AFF3: variants seen among roughly 807,000 people sequenced by gnomAD.
The protein encoded by AFF3 is AF4/FMR2 family member 3.
AFF3 carries 32 observed loss-of-function variants against 129.7 expected under a neutral mutation model. The observed-to-expected ratio is 0.25, with a 90% CI of 0.19 to 0.33. The LOEUF is 0.33. AFF3 is among the 10% of genes least tolerant of loss of function. AFF3 has a pLI of 1.00. For synonymous variants in AFF3, 644 were observed against 635.4 expected, an observed-to-expected ratio of 1.01 and a Z score of -0.20; for missense variants, 1,373 against 1,592.0, an observed-to-expected ratio of 0.86 and a Z score of 2.34.
intron 7 of AFF3, among the ~76,000 whole-genome samples, chr2:99,967,295 G>A (rs141284200): frequency 0.01 from 703 of 68,476 alleles, 3 homozygotes; most frequent in African/African-American, 0.037. Context: ...CCACCCCCCC[G>A]CCCCCAAGCA....
intron 4 of AFF3, among the ~76,000 whole-genome samples, chr2:100,078,109 A>C (rs1411753510): frequency 2.0e-5 from 3 of 152,202 alleles, no homozygotes; most frequent in Non-Finnish European, 4.4e-5. Flanking sequence ...TCCAACTAGA[A>C]AGCAGCACAG....
chr2:100,087,411 G>C (rs1254193835), intron 4 of AFF3, among the ~76,000 whole-genome samples: 2 of 152,078 alleles, frequency 1.3e-5, no homozygotes, highest in Non-Finnish European at 2.9e-5. Flanking sequence ...ACTTGCACAA[G>C]ATCAGGACCT....
intron 7 of AFF3, among the ~76,000 whole-genome samples, chr2:99,899,339 G>C (rs1181147182): frequency 6.6e-6 from 1 of 152,058 alleles, no homozygotes; most frequent in Non-Finnish European, 1.5e-5. Context: ...ATCAATACAG[G>C]TACTAAAAAA....
At chr2:100,041,008 A>C (rs921222377) in intron 4 of AFF3, among the ~76,000 whole-genome samples, 7 of 152,264 alleles carry the variant, frequency 4.6e-5, no homozygotes, top group Non-Finnish European at 8.8e-5. Flanking sequence ...TGAGCAAGTC[A>C]ATGCAGAGCC....
chr2:99,792,915 C>T (rs1168559312), intron 8 of AFF3, among the ~76,000 whole-genome samples: 1 of 152,120 alleles, frequency 6.6e-6, no homozygotes, highest in Admixed American at 6.5e-5. Context: ...GACATGTTTC[C>T]TCCTCATTTG....
chr2:100,126,250 G>A (rs1270770164), intron 2 of AFF3, among the ~76,000 whole-genome samples: 5 of 152,176 alleles, frequency 3.3e-5, no homozygotes, highest in South Asian at 2.1e-4. Flanking sequence ...AGAGAAACAC[G>A]ATCAGGACAA....
chr2:100,042,719 G>C (rs1031746106), intron 4 of AFF3, among the ~76,000 whole-genome samples: 1 of 152,176 alleles, frequency 6.6e-6, no homozygotes, highest in Non-Finnish European at 1.5e-5. Context: ...AAATGCTAAT[G>C]ACCTAGGCTG....
At position 99,593,369 on chromosome 2, in the gene AFF3, C is replaced by T. The variant is rs776425910; in HGVS notation, c.2292G>A (p.Arg764=). ...TCAGGTCGATTTTGACCCAGAGAGA[C>T]CTGATCTCATCACTGTCCTTTAGAG... is the stretch of plus-strand genomic sequence containing the variant. The part of the protein sequence containing the change: ...LSPLKDSDEI[R]SLWVKIDLTL... The change falls in exon 15 of 25, where the codon AGG becomes AGA. Residue 764 remains arginine (R), a synonymous_variant. Coordinates refer to ENST00000672756, the MANE Select transcript of AFF3 (RefSeq NM_001386135.1). 6 of 1,613,910 alleles carry T rather than the reference C, an allele frequency of 3.7e-6. No individual in the cohort carries two copies. The South Asian group carries it at 5.5e-5, about 15-fold the overall frequency.
intron 7 of AFF3, among the ~76,000 whole-genome samples, chr2:99,839,634 C>T (rs368540030): frequency 2.7e-4 from 39 of 145,220 alleles, no homozygotes; most frequent in Non-Finnish European, 4.0e-4. Flanking sequence ...TTTTTTGAGA[C>T]GGAGCCTCGC....
intron 4 of AFF3, among the ~76,000 whole-genome samples, chr2:100,015,329 C>T (rs1468047905): frequency 3.9e-5 from 6 of 152,104 alleles, no homozygotes; most frequent in Admixed American, 3.9e-4. Context: ...AGCAGCCTGG[C>T]CACAGAGAAG....
intron 20 of AFF3, among the ~76,000 whole-genome samples, chr2:99,562,555 A>G (rs2104587946): frequency 6.6e-6 from 1 of 152,334 alleles, no homozygotes; most frequent in Middle Eastern, 3.4e-3. Flanking sequence ...TTGTTGAGTG[A>G]TAACTGTGAT....
chr2:99,619,623 G>A (rs928554921), intron 13 of AFF3, among the ~76,000 whole-genome samples: 14 of 152,192 alleles, frequency 9.2e-5, no homozygotes, highest in Admixed American at 5.2e-4. Context: ...AAGGAGGGGC[G>A]TGCCCGGGAT....
At chr2:99,592,982 G>C (rs1005350460) in intron 15 of AFF3, among the ~76,000 whole-genome samples, 10 of 134,102 alleles carry the variant, frequency 7.5e-5, no homozygotes, top group Admixed American at 4.6e-4. Context: ...TCACTGAGCA[G>C]TTCTAAGGAC....
chr2:99,575,414 A>ATTT (rs540441950), intron 18 of AFF3, among the ~76,000 whole-genome samples: 13 of 127,464 alleles, frequency 1.0e-4, no homozygotes, highest in African/African-American at 3.1e-4. Flanking sequence ...TGCCTGGCTA[A>ATTT]TTTTTTTTTT....
chr2:99,972,226 G>A (rs1215143987), intron 7 of AFF3, among the ~76,000 whole-genome samples: 1 of 152,202 alleles, frequency 6.6e-6, no homozygotes, highest in African/African-American at 2.4e-5. Flanking sequence ...GAAGACACAG[G>A]CTGGCTTCAC....
At chr2:99,904,465 T>A (rs1366974110) in intron 7 of AFF3, among the ~76,000 whole-genome samples, 2 of 152,072 alleles carry the variant, frequency 1.3e-5, no homozygotes, top group Admixed American at 6.5e-5. Context: ...CCTTTTTGTC[T>A]GATTTTGAAT....
At chr2:99,960,855 C>T (rs1008701609) in intron 7 of AFF3, among the ~76,000 whole-genome samples, 6 of 152,136 alleles carry the variant, frequency 3.9e-5, no homozygotes, top group African/African-American at 1.4e-4. Context: ...ATATGCTAAT[C>T]AGGACCCAGC....
chr2:99,997,527 CCT>C (rs999814306), intron 7 of AFF3, among the ~76,000 whole-genome samples: 2 of 152,028 alleles, frequency 1.3e-5, no homozygotes, highest in African/African-American at 4.8e-5. Flanking sequence ...CCACTTCTCC[CCT>C]GACCCATTAC....
At chr2:99,681,215 G>A (rs1324495742) in intron 11 of AFF3, among the ~76,000 whole-genome samples, 7 of 152,160 alleles carry the variant, frequency 4.6e-5, no homozygotes, top group African/African-American at 1.7e-4. Context: ...CTGCACCTTG[G>A]ATCAAGTCCC....
Sources: allele counts gnomAD v4.1 joint callset (sites outside exome capture counted in the v4.1 genomes callset), GRCh38; gene constraint gnomAD v4.1.1; transcripts MANE v1.5; gene names NCBI Gene and HGNC (gene_info 2026-07-23, HGNC 2026-07-21).